The following ASMT variants were observed in gnomAD, a reference collection of about 807,000 sequenced individuals.
ASMT encodes the protein acetylserotonin N-methyltransferase.
ASMT carries 53 observed loss-of-function variants against 41.3 expected under a neutral mutation model. That is an observed-to-expected ratio of 1.28 (90% CI 1.03 to 1.61). The LOEUF is 1.61. Among genes scored for constraint, ASMT ranks in the 40% most tolerant of loss-of-function variants. ASMT has a pLI of 0.00. For synonymous variants in ASMT, 231 were observed against 184.8 expected, an observed-to-expected ratio of 1.25 and a Z score of -2.03; for missense variants, 531 against 441.3, an observed-to-expected ratio of 1.20 and a Z score of -1.82.
chrX:1,631,169 C>T (rs1934764130), intron 5 of ASMT, among the ~76,000 whole-genome samples: 1 of 151,654 alleles, frequency 6.6e-6, no homozygotes, highest in South Asian at 2.1e-4. Flanking sequence ...CCGCCTCCGC[C>T]TCCCAAAGTG....
chrX:1,640,585 G>C (rs761501594), intron 8 of ASMT, among the ~76,000 whole-genome samples: 15 of 40,970 alleles, frequency 3.7e-4, no homozygotes, highest in South Asian at 1.0e-3. Flanking sequence ...CATCCTGATG[G>C]CACATGAGGA....
In ASMT at chrX:1,615,257, A is replaced by T; in HGVS notation, c.58A>T (p.Met20Leu). The change falls in exon 1 of 9, where the codon ATG (methionine) becomes TTG (leucine). Residue 20 changes from methionine (M) to leucine (L), a missense_variant. Physicochemically the swap from Met to Leu is conservative, Grantham distance 15. Transcript: ENST00000381241. ...CCTTAATGACTACGCCAACGGCTTC[A>T]TGGTGTCCCAGGTAGGATACGCTCT... Reference protein sequence around the residue: ...RLLNDYANGFMVSQVLFAACE... With the variant: ...RLLNDYANGFLVSQVLFAACE... The T allele has an allele frequency of 1.3e-6, 2 of 1,593,664 alleles. No homozygotes were observed. The highest frequency in any genetic ancestry group is 1.7e-6 in the Non-Finnish European group (2 of 1,170,086).
Position 1,624,382 on chromosome X carries a change from C to T in ASMT, c.358C>T (p.Leu120=). The T allele has an allele frequency of 6.2e-7, 1 of 1,613,648 alleles. No homozygotes were observed. ...GACCAGCTACCGGTGCTGGGGCCAC[C>T]TGGCAGACGCCGTGAGGTGGGGGCT... The part of the protein sequence containing the change: ...GRTSYRCWGH[L]ADAVREGRNQ... The change falls in exon 3 of 9, where the codon CTG becomes TTG. Residue 120 remains leucine, a synonymous_variant. Coordinates refer to ENST00000381241, the MANE Select transcript of ASMT (RefSeq NM_001171038.2).
At chrX:1,636,971 ACATG>A (rs1569384319) in intron 8 of ASMT, among the ~76,000 whole-genome samples, 5 of 38,348 alleles carry the variant, frequency 1.3e-4, no homozygotes, top group Non-Finnish European at 2.4e-4. Context: ...TCCTGATGGC[ACATG>A]AGGATGTGGG....
Position 1,642,916 on chromosome X carries a change from C to A in ASMT, c.1024C>A (p.Pro342Thr). The A allele has an allele frequency of 1.9e-6, 3 of 1,613,970 alleles. No homozygotes were observed. Among genetic ancestry groups the A allele is most frequent in the Non-Finnish European group, 2.5e-6 (3 of 1,179,878 alleles). Reference sequence around the variant, plus strand: ...GCAGACGGAAGGGCAGGAGAGGACCCCCACCCACTACCACATGCTCCTCTC... The same window carrying A: ...GCAGACGGAAGGGCAGGAGAGGACCACCACCCACTACCACATGCTCCTCTC... The part of the protein sequence containing the change: ...LVQTEGQERT[P>T]THYHMLLSSA... Residue 342 changes from proline (P) to threonine (T), a missense_variant, in exon 9 of 9, where the codon CCC becomes ACC. Transcript: ENST00000381241.
intron 2 of ASMT, 140 bp downstream of exon 2, chrX:1,623,453 G>C (rs1934410911): frequency 5.4e-6 from 6 of 1,115,284 alleles, no homozygotes; most frequent in African/African-American, 1.5e-5. Context: ...CAAAAAATTA[G>C]CCGGGTGTGG....
chrX:1,636,371 C>T (rs1224333703), intron 7 of ASMT, 67 bp from the exon 8 acceptor site: 3 of 1,613,236 alleles, frequency 1.9e-6, no homozygotes, highest in Admixed American at 1.7e-5. Flanking sequence ...CTTTTGTGCC[C>T]AGAATAGGTT....
chrX:1,620,284 GC>G (rs1194193335), intron 1 of ASMT, among the ~76,000 whole-genome samples: 1 of 141,676 alleles, frequency 7.1e-6, no homozygotes, highest in Non-Finnish European at 1.5e-5. Context: ...CGATTCTCCT[GC>G]CTCAGCCTCC....
intron 5 of ASMT, among the ~76,000 whole-genome samples, chrX:1,630,977 C>T (rs1343443154): frequency 6.7e-6 from 1 of 149,826 alleles, no homozygotes; most frequent in Non-Finnish European, 1.5e-5. Flanking sequence ...GTGGTGCAAT[C>T]TCCACTCACT....
At chrX:1,625,556 G>GGGAGGGAGGGAAAGGGGGGGAA (rs1437576027) in intron 3 of ASMT, among the ~76,000 whole-genome samples, 2 of 136,706 alleles carry the variant, frequency 1.5e-5, no homozygotes, top group African/African-American at 5.3e-5. Context: ...GAGGGAGGGA[G>GGGAGGGAGGGAAAGGGGGGGAA]GGAGGGAGGG....
At chrX:1,632,491 A>G (rs1323932910) in intron 5 of ASMT, among the ~76,000 whole-genome samples, 1 of 152,018 alleles carries the variant, frequency 6.6e-6, no homozygotes, top group African/African-American at 2.4e-5. Flanking sequence ...CTCTACTAAA[A>G]ATACAATAAA....
At chrX:1,627,403 C>T (rs1934591265) in intron 3 of ASMT, among the ~76,000 whole-genome samples, 1 of 151,930 alleles carries the variant, frequency 6.6e-6, no homozygotes, top group Non-Finnish European at 1.5e-5. Flanking sequence ...GGGTGGATCA[C>T]CTGAGGTCAC....
intron 4 of ASMT, among the ~76,000 whole-genome samples, chrX:1,629,171 C>CT (rs1934676491): frequency 6.6e-6 from 1 of 151,998 alleles, no homozygotes; most frequent in African/African-American, 2.4e-5. Context: ...GTCTTCCATG[C>CT]TTACATGTTG....
chrX:1,642,029 G>A (rs1246589553), intron 8 of ASMT, among the ~76,000 whole-genome samples: 1 of 147,000 alleles, frequency 6.8e-6, no homozygotes, highest in Non-Finnish European at 1.5e-5. Context: ...AATGGGGATA[G>A]CATCCCAGTG....
At chrX:1,615,311 C>T (rs1415639901) in intron 1 of ASMT, 43 bp downstream of exon 1, 1 of 1,505,292 alleles carries the variant, frequency 6.6e-7, no homozygotes, top group Non-Finnish European at 9.1e-7. Context: ...GACTTCCGTT[C>T]ATCACACTCA....
intron 4 of ASMT, 54 bp from the exon 5 acceptor site, chrX:1,629,767 C>G: frequency 1.2e-5 from 18 of 1,548,162 alleles, no homozygotes; most frequent in Non-Finnish European, 1.6e-5. Flanking sequence ...CACCCTTGCT[C>G]TGGGCACGTC....
chrX:1,627,801 T>C (rs749743018), intron 4 of ASMT, 30 bp downstream of exon 4: 2 of 1,597,224 alleles, frequency 1.3e-6, no homozygotes, highest in South Asian at 2.2e-5. Context: ...AACCAACAAC[T>C]CAGATAAGAT....
intron 7 of ASMT, among the ~76,000 whole-genome samples, chrX:1,634,651 T>TA (rs1238623371): frequency 8.5e-6 from 1 of 118,322 alleles, no homozygotes; most frequent in African/African-American, 3.9e-5. Context: ...CCTGCTGAGT[T>TA]AACCCCCCCC....
intron 4 of ASMT, among the ~76,000 whole-genome samples, chrX:1,629,157 C>T (rs1187024295): frequency 6.6e-6 from 1 of 151,828 alleles, no homozygotes; most frequent in African/African-American, 2.4e-5. Flanking sequence ...GCACAAGTAC[C>T]CATGTCTTCC....
Sources: allele counts gnomAD v4.1 joint callset (sites outside exome capture counted in the v4.1 genomes callset), GRCh38; gene constraint gnomAD v4.1.1; transcripts MANE v1.5; gene names NCBI Gene and HGNC (gene_info 2026-07-23, HGNC 2026-07-21).